EHMT1: variants seen among roughly 807,000 people sequenced by gnomAD.
The protein encoded by EHMT1 is euchromatic histone lysine methyltransferase 1, also known as histone-lysine N-methyltransferase EHMT1.
In EHMT1, 15 loss-of-function variants were observed where a neutral mutation model predicts 147.2. That is an observed-to-expected ratio of 0.10 (90% CI 0.07 to 0.16). The LOEUF (loss-of-function observed/expected upper bound fraction) is 0.16, where lower values mean the gene tolerates loss of function less well. Ranked by LOEUF, EHMT1 falls within the 10% of genes least tolerant of loss-of-function variation. The pLI is 1.00. For synonymous variants in EHMT1, 795 were observed against 709.6 expected, an observed-to-expected ratio of 1.12 and a Z score of -1.91; for missense variants, 1,587 against 1,772.4, an observed-to-expected ratio of 0.90 and a Z score of 1.88.
rs764877266 is a variant in EHMT1 at position 137,834,427 on chromosome 9, C to T, written c.3619C>T (p.Leu1207=). Residue 1207 remains leucine, a synonymous_variant, in exon 26 of 27, where the codon CTG becomes TTG. Transcript: ENST00000460843. ...CATCAACCACCACTGCGAGCCCAAC[C>T]TGGTGCCCGTGCGCGTGTTCATGGC... ...RFINHHCEPN[L]VPVRVFMAHQ... 1.2e-6 allele frequency: 2 copies of T among 1,613,352 alleles called. No individual in the cohort carries two copies. Among genetic ancestry groups the T allele is most frequent in the East Asian group, 2.2e-5 (1 of 44,876 alleles).
intron 25 of EHMT1, among the ~76,000 whole-genome samples, chr9:137,833,676 C>G (rs1204746403): frequency 6.6e-6 from 1 of 152,258 alleles, no homozygotes; most frequent in Non-Finnish European, 1.5e-5. Context: ...GGCCAGGGCC[C>G]AGGGCCATGT....
chr9:137,673,056 C>G (rs1940862586), intron 1 of EHMT1, among the ~76,000 whole-genome samples: 1 of 152,186 alleles, frequency 6.6e-6, no homozygotes, highest in African/African-American at 2.4e-5. Flanking sequence ...AGCTTGAGAA[C>G]CAGTTTTATA....
At position 137,834,759 on chromosome 9, in the gene EHMT1, T is replaced by G; in HGVS notation, c.3717-14T>G. 3 of 1,613,522 alleles carry G rather than the reference T, an allele frequency of 1.9e-6. No individual in the cohort carries two copies. Among genetic ancestry groups the G allele is most frequent in the Non-Finnish European group, 2.5e-6 (3 of 1,179,782 alleles). On this transcript the variant is annotated splice_polypyrimidine_tract_variant and intron_variant, in intron 26 of 26. Coordinates refer to ENST00000460843, the MANE Select transcript of EHMT1 (RefSeq NM_024757.5). ...GGGATTCGACTTGGAGCCTTGGTTC[T>G]GTTCCCTCCCCAGGTTTGACTATGG...
chr9:137,674,316 A>T (rs1036359089), intron 1 of EHMT1, among the ~76,000 whole-genome samples: 27 of 152,218 alleles, frequency 1.8e-4, no homozygotes, highest in Non-Finnish European at 4.0e-4. Context: ...GAAAGACATT[A>T]AACAGGATTG....
intron 25 of EHMT1, among the ~76,000 whole-genome samples, chr9:137,824,368 C>T (rs1422306712): frequency 3.9e-5 from 6 of 152,210 alleles, no homozygotes; most frequent in Non-Finnish European, 8.8e-5. Context: ...TTCCTTTGAT[C>T]TATTTGCTGA....
rs1222945570 is a variant in EHMT1, at chr9:137,731,267, T to C, written c.823+2738T>C. ...GGAGGAGATGTGCTCGGCAGTTAGC[T>C]GCCTGCTGTGGTCCAGTGGTTAAGA... is the stretch of plus-strand genomic sequence containing the variant. On this transcript the variant is annotated intron_variant, in intron 4 of 26. Coordinates refer to ENST00000460843, the MANE Select transcript of EHMT1 (RefSeq NM_024757.5). The surrounding 1 kb of genome is among the most constrained non-coding windows in gnomAD (Gnocchi z 4.3). 6.6e-6 allele frequency among the ~76,000 whole-genome samples: 1 copy of C among 152,214 alleles called. No individual in the cohort carries two copies. Among genetic ancestry groups the C allele is most frequent in the Non-Finnish European group, 1.5e-5 (1 of 68,042 alleles).
chr9:137,676,035 C>G (rs1246336126), intron 1 of EHMT1: 1 of 151,620 alleles, frequency 6.6e-6, no homozygotes, highest in Non-Finnish European at 1.5e-5. Flanking sequence ...CCGCCCGCCT[C>G]GGCCTCCCAA....
intron 17 of EHMT1, among the ~76,000 whole-genome samples, chr9:137,799,383 G>A (rs1953255982): frequency 1.3e-5 from 2 of 152,144 alleles, no homozygotes; most frequent in Admixed American, 1.3e-4. Flanking sequence ...CTTGGCACCC[G>A]TCTTCCTTCC....
chr9:137,825,964 A>T (rs550464465), intron 25 of EHMT1, among the ~76,000 whole-genome samples: 172 of 152,284 alleles, frequency 1.1e-3, no homozygotes, highest in Non-Finnish European at 2.1e-3. Context: ...AAAGAGTTTC[A>T]TGAATTGTTG....
chr9:137,825,515 G>A (rs1375690586), intron 25 of EHMT1, among the ~76,000 whole-genome samples: 5 of 152,138 alleles, frequency 3.3e-5, no homozygotes, highest in African/African-American at 7.2e-5. Flanking sequence ...TTTGTGTCCT[G>A]TGGATTTGGC....
chr9:137,788,165 G>A, intron 15 of EHMT1: 1 of 802,528 alleles, frequency 1.2e-6, no homozygotes, highest in Non-Finnish European at 1.9e-6. Context: ...TCTCCCCACT[G>A]CACCCCGTAC....
At chr9:137,815,782 C>A in intron 22 of EHMT1, 165 bp from the exon 23 acceptor site, 1 of 688,702 alleles carries the variant, frequency 1.5e-6, no homozygotes. Context: ...TCATCCAAAC[C>A]GTACACATGG....
chr9:137,682,124 AT>A (rs1346766121), intron 1 of EHMT1, among the ~76,000 whole-genome samples: 5 of 151,496 alleles, frequency 3.3e-5, no homozygotes, highest in Admixed American at 3.3e-4. Context: ...CATTTTTTGT[AT>A]TTTTAGTAGA....
intron 3 of EHMT1, among the ~76,000 whole-genome samples, chr9:137,726,287 C>T (rs951503725): frequency 6.6e-6 from 1 of 152,240 alleles, no homozygotes; most frequent in Non-Finnish European, 1.5e-5. Flanking sequence ...ATTCCTCTCT[C>T]CCAGTCCCTG....
At chr9:137,805,187 G>A (rs185570720) in intron 18 of EHMT1, among the ~76,000 whole-genome samples, 31 of 151,410 alleles carry the variant, frequency 2.0e-4, no homozygotes, top group Admixed American at 1.6e-3. Flanking sequence ...CGTGTGAGTC[G>A]TCCACGTGTG....
intron 3 of EHMT1, among the ~76,000 whole-genome samples, chr9:137,722,210 G>A (rs573436412): frequency 6.6e-6 from 1 of 151,988 alleles, no homozygotes; most frequent in Admixed American, 6.6e-5. Flanking sequence ...ATTTTTATTC[G>A]TGAGGATCTT....
At chr9:137,637,177 G>A (rs573797988) in intron 1 of EHMT1, among the ~76,000 whole-genome samples, 17 of 150,806 alleles carry the variant, frequency 1.1e-4, no homozygotes, top group South Asian at 4.2e-4. Context: ...GATTACAGGC[G>A]TGAGCCACCG....
chr9:137,717,605 CAAAAAAAAAAA>C (rs1163785484), intron 3 of EHMT1, among the ~76,000 whole-genome samples: 1 of 69,630 alleles, frequency 1.4e-5, no homozygotes, highest in Non-Finnish European at 2.6e-5. Context: ...GACCCTGTCT[CAAAAAAAAAAA>C]AAAAAAAAAA....
intron 7 of EHMT1, among the ~76,000 whole-genome samples, chr9:137,752,737 G>A (rs370388549): frequency 1.8e-4 from 27 of 152,108 alleles, no homozygotes; most frequent in African/African-American, 5.1e-4. Context: ...TTGGGATTCC[G>A]CTGCATCGGC....
Sources: allele counts gnomAD v4.1 joint callset (sites outside exome capture counted in the v4.1 genomes callset), GRCh38; gene constraint gnomAD v4.1.1; non-coding constraint Gnocchi (gnomAD v3.1); transcripts MANE v1.5; gene names NCBI Gene and HGNC (gene_info 2026-07-23, HGNC 2026-07-21).